Variants in TBC1D17 observed in about 807,000 individuals in gnomAD.
The protein encoded by TBC1D17 is TBC1 domain family, member 17.
A neutral mutation model predicts 78.8 loss-of-function variants in TBC1D17; 69 were observed. That is an observed-to-expected ratio of 0.88 (90% CI 0.72 to 1.07). The LOEUF is 1.07. TBC1D17 is among the 50% of genes least tolerant of loss of function. The pLI is 0.00. For synonymous variants in TBC1D17, 456 were observed against 358.3 expected (o/e 1.27, Z -3.08); for missense variants, 957 against 861.0 (o/e 1.11, Z -1.39).
At chr19:49,881,649 C>T (rs1421745897) in intron 5 of TBC1D17, among the ~76,000 whole-genome samples, 174 bp downstream of exon 5, 1 of 152,212 alleles carries the variant, frequency 6.6e-6, no homozygotes, top group African/African-American at 2.4e-5. Flanking sequence ...CAGGCAGGAC[C>T]CAGGTCCCAA....
At chr19:49,881,178 GC>G (rs1240377694) in intron 4 of TBC1D17, 89 bp from the exon 5 acceptor site, 1 of 1,165,668 alleles carries the variant, frequency 8.6e-7, no homozygotes, top group Non-Finnish European at 1.2e-6. Context: ...CTCAGGAGAT[GC>G]CTGTGCCGAA....
intron 13 of TBC1D17, among the ~76,000 whole-genome samples, chr19:49,885,974 C>CAAAA (rs972298479): frequency 2.3e-5 from 1 of 43,548 alleles, no homozygotes; most frequent in African/African-American, 9.2e-5. Flanking sequence ...GACCTTGCCT[C>CAAAA]AAAAAAAAAA....
chr19:49,878,570 A>G lies in TBC1D17; in HGVS notation c.193A>G (p.Lys65Glu). The G allele has an allele frequency of 6.2e-7, 1 of 1,614,036 alleles. No individual in the cohort carries two copies. The highest frequency in any genetic ancestry group is 8.5e-7 in the Non-Finnish European group (1 of 1,179,976). Residue 65 changes from lysine to glutamate, a missense_variant and splice_region_variant, in exon 3 of 17, where the codon AAG becomes GAG. By Grantham distance (56) the Lys-to-Glu change is moderately conservative. Transcript: ENST00000221543. The stretch of plus-strand genomic sequence containing the variant: ...TTCCACCCAAATCCTCTTCTCCAAG[A>G]AGGTAGGCTCCACCCGCTTTGCCCT... ...GDSTQILFSK[K>E]DSSGGDSCAS...
chr19:49,878,105 G>T (rs752183948), intron 1 of TBC1D17, 38 bp from the exon 2 acceptor site: 1 of 1,530,242 alleles, frequency 6.5e-7, no homozygotes, highest in Non-Finnish European at 8.9e-7. Flanking sequence ...TGGTCCCCTC[G>T]CTTGGGCCCC....
Position 49,884,270 on chromosome 19 carries a change from A to C in TBC1D17, c.1144A>C (p.Thr382Pro). 6.2e-7 allele frequency: 1 copy of C among 1,613,904 alleles called. No homozygotes were observed. The highest frequency in any genetic ancestry group is 8.5e-7 in the Non-Finnish European group (1 of 1,180,028). ...RSLIERDVSR[T>P]DRTNKFYEGP... is the part of the protein sequence containing the mutation. ...CCCCGCAGAAAGGGATGTGAGCCGC[A>C]CTGACAGGACCAACAAGTTCTACGA... is the stretch of plus-strand genomic sequence containing the variant. The change falls in exon 11 of 17, where the codon ACT becomes CCT. Residue 382 changes from threonine (T) to proline (P), a missense_variant. Transcript: ENST00000221543.
At position 49,887,513 on chromosome 19, in the gene TBC1D17, G is replaced by A; in HGVS notation, c.1482G>A (p.Arg494=). 6.2e-7 allele frequency: 1 copy of A among 1,614,188 alleles called. No individual in the cohort carries two copies. Among genetic ancestry groups the A allele is most frequent in the South Asian group, 1.1e-5 (1 of 91,076 alleles). Residue 494 remains arginine (R), a synonymous_variant, in exon 14 of 17, where the codon CGG becomes CGA. Transcript: ENST00000221543. ...CCGGCTCTCTCTGCTTCTGTTTCCGGTGGCTGCTCATCTGGTTCAAGAGGG... is the reference window on the plus strand; with the variant it reads ...CCGGCTCTCTCTGCTTCTGTTTCCGATGGCTGCTCATCTGGTTCAAGAGGG... ...QDSGSLCFCF[R]WLLIWFKREF...
chr19:49,883,653 A>G lies in TBC1D17; in HGVS notation c.1034A>G (p.Asp345Gly), dbSNP rs1388127108. 2.5e-6 allele frequency: 4 copies of G among 1,613,590 alleles called. No individual in the cohort carries two copies. Among genetic ancestry groups the G allele is most frequent in the East Asian group, 4.5e-5 (2 of 44,882 alleles). The change falls in exon 10 of 17, where the codon GAT (aspartate) becomes GGT (glycine). Residue 345 changes from aspartate (D) to glycine (G), a missense_variant and splice_region_variant. Coordinates refer to ENST00000221543, the MANE Select transcript of TBC1D17 (RefSeq NM_024682.3). The stretch of plus-strand genomic sequence containing the variant: ...TCTTGTTTCCCTCTGTCACTCAGGG[A>G]TGAGTATTTCCGCATGAAGCTGCAG... ...EHKAHIRKKT[D>G]EYFRMKLQWK...
Position 49,878,206 on chromosome 19 carries a change from T to C in TBC1D17, c.85T>C (p.Ser29Pro), listed in dbSNP as rs763676011. The change falls in exon 2 of 17, where the codon TCT becomes CCT. Residue 29 changes from serine to proline, a missense_variant. Coordinates refer to ENST00000221543, the MANE Select transcript of TBC1D17 (RefSeq NM_024682.3). ...TSAKKYQDRD[S>P]LIAGVIRVVE... ...CGCTAAGAAGTATCAGGACCGAGAC[T>C]CTCTCATCGCTGGTGTCATCCGTGT... 1 of 1,566,614 alleles carries C rather than the reference T, an allele frequency of 6.4e-7. No individual in the cohort carries two copies.
chr19:49,879,209 T>C (rs2074988112), intron 3 of TBC1D17: 1 of 152,286 alleles, frequency 6.6e-6, no homozygotes, highest in Admixed American at 6.5e-5. Context: ...GACAAGAAGG[T>C]ATTTCAGGGA....
At position 49,878,678 on chromosome 19, in the gene TBC1D17, C is replaced by T; in HGVS notation, c.195+106C>T. ...TACAATCCCAGACCTACTCGTGGGGCATGTGTGACCCTGTTTAGGCTTGGG... is the reference window on the plus strand; with the variant it reads ...TACAATCCCAGACCTACTCGTGGGGTATGTGTGACCCTGTTTAGGCTTGGG... On this transcript the variant is annotated intron_variant, in intron 3 of 16. Coordinates refer to ENST00000221543, the MANE Select transcript of TBC1D17 (RefSeq NM_024682.3). 3 of 1,069,984 alleles carry T rather than the reference C, an allele frequency of 2.8e-6. No homozygotes were observed. The East Asian group carries it at 7.4e-5, about 26-fold the overall frequency. 66.3% of individuals were successfully genotyped at this position (1,069,984 alleles called of 1,614,324 possible).
intron 1 of TBC1D17, 152 bp from the exon 2 acceptor site, chr19:49,877,990 CG>C (rs1447855734): frequency 1.9e-5 from 14 of 742,778 alleles, no homozygotes; most frequent in Non-Finnish European, 3.0e-5. Context: ...CATCCGAACG[CG>C]GGCTGGACCA....
intron 14 of TBC1D17, 51 bp downstream of exon 14, chr19:49,887,624 C>T (rs1205922181): frequency 6.2e-7 from 1 of 1,610,914 alleles, no homozygotes; most frequent in East Asian, 2.2e-5. Context: ...CTCACCTGCC[C>T]TGGGAGGTTG....
intron 13 of TBC1D17, among the ~76,000 whole-genome samples, 188 bp downstream of exon 13, chr19:49,884,946 G>A (rs1428968021): frequency 6.6e-6 from 1 of 152,212 alleles, no homozygotes; most frequent in African/African-American, 2.4e-5. Context: ...CAGACACGCA[G>A]GAATGCTGAC....
At position 49,888,503 on chromosome 19, in the gene TBC1D17, C is replaced by A; in HGVS notation, c.1826C>A (p.Pro609Gln). The change falls in exon 17 of 17, where the codon CCG (proline) becomes CAG (glutamine). Residue 609 changes from proline to glutamine, a missense_variant. Physicochemically the swap from Pro to Gln is moderately conservative, Grantham distance 76. Transcript: ENST00000221543. The stretch of plus-strand genomic sequence containing the variant: ...CACAGCCCCTCGCCCACCGCCTCCC[C>A]GCTGCCTCTGTCGCCCACCCGGGCC... ...EPHSPSPTASPLPLSPTRAPP... is the reference protein window; with the variant it reads ...EPHSPSPTASQLPLSPTRAPP... 3.8e-6 allele frequency: 6 copies of A among 1,569,212 alleles called. No individual in the cohort carries two copies. Among genetic ancestry groups the A allele is most frequent in the Non-Finnish European group, 5.2e-6 (6 of 1,162,816 alleles).
intron 7 of TBC1D17, 125 bp from the exon 8 acceptor site, chr19:49,882,639 G>T: frequency 7.1e-7 from 1 of 1,416,986 alleles, no homozygotes; most frequent in Non-Finnish European, 9.2e-7. Context: ...GGAAGAGGCT[G>T]CTGCCTGCCC....
Position 49,882,080 on chromosome 19 carries a change from C to T in TBC1D17, c.567C>T (p.His189=), listed in dbSNP as rs201130851. 4.3e-6 allele frequency: 7 copies of T among 1,614,124 alleles called. No homozygotes were observed. Among genetic ancestry groups the T allele is most frequent in the East Asian group, 2.2e-5 (1 of 44,892 alleles). Residue 189 remains histidine (H), a synonymous_variant, in exon 6 of 17, where the codon CAC becomes CAT. Coordinates refer to ENST00000221543, the MANE Select transcript of TBC1D17 (RefSeq NM_024682.3). ...CCCGCCTCTACCTTGTCTTCCCCCA[C>T]GACTCCTCTGCTCTCTCCAACTCCT... The part of the protein sequence containing the change: ...QDSRLYLVFP[H]DSSALSNSFH...
intron 10 of TBC1D17, 99 bp from the exon 11 acceptor site, chr19:49,884,154 G>A: frequency 9.3e-7 from 1 of 1,079,764 alleles, no homozygotes; most frequent in South Asian, 1.4e-5. Flanking sequence ...GAGGCTGGGG[G>A]CTGCCAGCAG....
In TBC1D17 at chr19:49,882,338, G is replaced by C; in HGVS notation, c.736G>C (p.Ala246Pro). ...CCTGCAGCCACAGCCTGAGGGAGCC[G>C]CCTCCGACCTTCCCCCGCCACCCGA... ...GALQPQPEGA[A>P]SDLPPPPDDE... Residue 246 changes from alanine to proline, a missense_variant, in exon 7 of 17, where the codon GCC becomes CCC. Transcript: ENST00000221543. 1 of 1,610,602 alleles carries C rather than the reference G, an allele frequency of 6.2e-7. No homozygotes were observed. Among genetic ancestry groups the C allele is most frequent in the Non-Finnish European group, 8.5e-7 (1 of 1,179,970 alleles).
rs1416425621 is a variant in TBC1D17 at position 49,881,301 on chromosome 19, C to T, written c.353C>T (p.Ala118Val). 2 of 1,613,060 alleles carry T rather than the reference C, an allele frequency of 1.2e-6. No homozygotes were observed. Among genetic ancestry groups the T allele is most frequent in the African/African-American group, 2.7e-5 (2 of 74,914 alleles). Residue 118 changes from alanine to valine, a missense_variant, in exon 5 of 17, where the codon GCC (alanine) becomes GTC (valine). Coordinates refer to ENST00000221543, the MANE Select transcript of TBC1D17 (RefSeq NM_024682.3). ...AEPSCPQGSW[A>V]FSVSLGELKS... ...CCCAGCTGCCCCCAGGGCTCCTGGG[C>T]CTTCTCAGTGAGTCTGGGGGAGCTA...
Sources: allele counts gnomAD v4.1 joint callset (sites outside exome capture counted in the v4.1 genomes callset), GRCh38; gene constraint gnomAD v4.1.1; transcripts MANE v1.5; gene names NCBI Gene and HGNC (gene_info 2026-07-23, HGNC 2026-07-21).